ZNF704: variants seen among roughly 807,000 people sequenced by gnomAD.
The protein encoded by ZNF704 is glucocorticoid induced gene 1.
Under a neutral mutation model 44.7 loss-of-function variants are expected in ZNF704, and 10 were observed. The observed-to-expected ratio is 0.22, with a 90% CI of 0.14 to 0.38. The LOEUF is 0.38. ZNF704 is among the 10% of genes least tolerant of loss of function. The pLI, the probability that ZNF704 is intolerant of heterozygous loss-of-function variation, is 1.00. For synonymous variants in ZNF704, 211 were observed against 207.6 expected, an observed-to-expected ratio of 1.02 and a Z score of -0.14; for missense variants, 390 against 545.5, an observed-to-expected ratio of 0.71 and a Z score of 2.84.
intron 2 of ZNF704, among the ~76,000 whole-genome samples, chr8:80,764,914 T>C (rs1807203028): frequency 6.6e-6 from 1 of 152,194 alleles, no homozygotes; most frequent in Non-Finnish European, 1.5e-5. Context: ...TCAGTCAGGG[T>C]TCTCCAGGGA....
At chr8:80,646,924 G>C (rs1212647554) in intron 7 of ZNF704, among the ~76,000 whole-genome samples, 2 of 152,198 alleles carry the variant, frequency 1.3e-5, no homozygotes, top group African/African-American at 4.8e-5. Context: ...GAAAAGTTTG[G>C]TTGACATGAC....
chr8:80,665,781 T>C (rs1456088463), intron 5 of ZNF704, among the ~76,000 whole-genome samples: 2 of 152,002 alleles, frequency 1.3e-5, no homozygotes, highest in Admixed American at 6.5e-5. Flanking sequence ...CATAACAGTG[T>C]TGTTAAGCAG....
intron 2 of ZNF704, among the ~76,000 whole-genome samples, chr8:80,749,080 C>T (rs1398822922): frequency 1.3e-5 from 2 of 152,180 alleles, no homozygotes; most frequent in Non-Finnish European, 1.5e-5. Context: ...GTGCCCACAA[C>T]GGAATGGCCC....
intron 6 of ZNF704, among the ~76,000 whole-genome samples, chr8:80,663,896 A>T (rs1563510405): frequency 6.6e-6 from 1 of 151,006 alleles, no homozygotes; most frequent in Non-Finnish European, 1.5e-5. Context: ...TGCCTGGCTA[A>T]TTTTTGTATT....
chr8:80,683,936 A>G (rs1818494567), intron 4 of ZNF704, among the ~76,000 whole-genome samples: 1 of 152,162 alleles, frequency 6.6e-6, no homozygotes, highest in African/African-American at 2.4e-5. Flanking sequence ...ATAATGACAA[A>G]GGTCAGGATC....
intron 1 of ZNF704, among the ~76,000 whole-genome samples, chr8:80,870,216 T>C (rs1403617734): frequency 1.3e-5 from 2 of 152,216 alleles, no homozygotes; most frequent in Non-Finnish European, 1.5e-5. Flanking sequence ...TACACTACAC[T>C]ACAATAGAAA....
At chr8:80,653,457 T>C (rs9773390) in intron 7 of ZNF704, among the ~76,000 whole-genome samples, 23,135 of 152,064 alleles carry the variant, frequency 0.15, 3,347 homozygotes, top group African/African-American at 0.38. Context: ...AGCTGATAAG[T>C]AACTTCAGCA....
intron 2 of ZNF704, among the ~76,000 whole-genome samples, chr8:80,731,341 T>C (rs1377440402): frequency 6.6e-6 from 1 of 152,202 alleles, no homozygotes; most frequent in African/African-American, 2.4e-5. Flanking sequence ...TAACTCCTGC[T>C]GATATAAGAC....
At chr8:80,877,185 G>GA (rs5892744), upstream of ZNF704, among the ~76,000 whole-genome samples, 7,227 of 59,748 alleles carry the variant, frequency 0.12, 816 homozygotes, top group South Asian at 0.2. Flanking sequence ...CTCTGAATGG[G>GA]AAAAAAAAAA....
chr8:80,800,152 G>A (rs111507211), intron 2 of ZNF704, among the ~76,000 whole-genome samples: 8,871 of 152,186 alleles, frequency 0.058, 286 homozygotes, highest in Middle Eastern at 0.13. Flanking sequence ...CAAAACCTCT[G>A]AGAAATATGG....
intron 2 of ZNF704, among the ~76,000 whole-genome samples, chr8:80,757,307 C>T (rs1465458244): frequency 1.3e-5 from 2 of 151,766 alleles, no homozygotes; most frequent in African/African-American, 4.8e-5. Context: ...GTATTTATGT[C>T]TTAGTTTTCA....
At chr8:80,826,457 AG>A (rs1808377744) in intron 1 of ZNF704, among the ~76,000 whole-genome samples, 3 of 152,218 alleles carry the variant, frequency 2.0e-5, no homozygotes, top group Admixed American at 2.0e-4. Flanking sequence ...AAAAAAGTCC[AG>A]GAACAGACGG....
chr8:80,800,000 A>C (rs1302847258), intron 2 of ZNF704, among the ~76,000 whole-genome samples: 1 of 152,220 alleles, frequency 6.6e-6, no homozygotes, highest in Non-Finnish European at 1.5e-5. Context: ...TGAAGAAAAC[A>C]ACATGAGAAC....
chr8:80,648,671 C>A (rs1817869165), intron 7 of ZNF704, among the ~76,000 whole-genome samples: 1 of 152,198 alleles, frequency 6.6e-6, no homozygotes, highest in South Asian at 2.1e-4. Context: ...GCAAAAGTAG[C>A]AGCAGAAGTA....
At chr8:80,849,649 C>T (rs1808824901) in intron 1 of ZNF704, among the ~76,000 whole-genome samples, 1 of 152,216 alleles carries the variant, frequency 6.6e-6, no homozygotes, top group Admixed American at 6.5e-5. Context: ...TCTTTCTATA[C>T]ATCAGGCTGA....
intron 2 of ZNF704, among the ~76,000 whole-genome samples, chr8:80,788,285 G>T (rs1807647594): frequency 6.6e-6 from 1 of 152,066 alleles, no homozygotes; most frequent in African/African-American, 2.4e-5. Flanking sequence ...TTTACTACTA[G>T]AAAATGCAGA....
intron 7 of ZNF704, among the ~76,000 whole-genome samples, chr8:80,659,204 C>T (rs1818060454): frequency 6.6e-6 from 1 of 152,158 alleles, no homozygotes; most frequent in African/African-American, 2.4e-5. Flanking sequence ...ACGTACAGAA[C>T]ACTTCCTAAG....
At chr8:80,729,967 C>T (rs1199042) in intron 2 of ZNF704, among the ~76,000 whole-genome samples, 150,422 of 152,242 alleles carry the variant, frequency 0.99, 74,315 homozygotes, top group East Asian at 1. Context: ...GTGTGCTTGC[C>T]ACATGTCTAG....
intron 2 of ZNF704, among the ~76,000 whole-genome samples, chr8:80,798,051 CTCTT>C (rs1396080216): frequency 1.3e-5 from 2 of 151,842 alleles, no homozygotes; most frequent in African/African-American, 4.8e-5. Context: ...TCTTTTTTTG[CTCTT>C]TTTTTCATTT....
Sources: allele counts gnomAD v4.1 joint callset (sites outside exome capture counted in the v4.1 genomes callset), GRCh38; gene constraint gnomAD v4.1.1; transcripts MANE v1.5; gene names NCBI Gene and HGNC (gene_info 2026-07-23, HGNC 2026-07-21).